Variants in ITGBL1 observed in about 807,000 individuals in gnomAD.
The protein encoded by ITGBL1 is integrin subunit beta like 1, also known as integrin beta-like protein 1.
ITGBL1 carries 51 observed loss-of-function variants against 68.5 expected under a neutral mutation model. The ratio of observed to expected loss-of-function variants is 0.74; its 90% confidence interval spans 0.59 to 0.94. The LOEUF (loss-of-function observed/expected upper bound fraction) is 0.94. ITGBL1 is among the 40% of genes least tolerant of loss of function. The pLI is 0.00. For missense variants in ITGBL1, 649 were observed against 647.4 expected (o/e 1.00, Z -0.03); for synonymous variants, 209 against 227.3 (o/e 0.92, Z 0.72).
intron 7 of ITGBL1, among the ~76,000 whole-genome samples, chr13:101,625,838 G>T (rs1200189466): frequency 1.3e-5 from 2 of 152,152 alleles, no homozygotes; most frequent in Non-Finnish European, 2.9e-5. Context: ...ACAGGCGTGA[G>T]CCACCGCACC....
intron 9 of ITGBL1, 106 bp downstream of exon 9, chr13:101,707,008 A>C: frequency 8.5e-7 from 1 of 1,174,396 alleles, no homozygotes; most frequent in Non-Finnish European, 1.2e-6. Flanking sequence ...CATGAAAGCA[A>C]ACCACTATGT....
intron 7 of ITGBL1, among the ~76,000 whole-genome samples, chr13:101,622,999 T>C (rs1227842482): frequency 2.0e-5 from 3 of 151,944 alleles, no homozygotes; most frequent in African/African-American, 7.2e-5. Context: ...ATGAGAACTT[T>C]TCATTATTTA....
chr13:101,556,783 G>A (rs948575377), intron 2 of ITGBL1, among the ~76,000 whole-genome samples: 1 of 152,168 alleles, frequency 6.6e-6, no homozygotes, highest in Non-Finnish European at 1.5e-5. Flanking sequence ...GCCAAAATAA[G>A]GCAATGAAGG....
intron 5 of ITGBL1, among the ~76,000 whole-genome samples, chr13:101,581,638 A>G (rs1475342372): frequency 2.0e-5 from 3 of 152,218 alleles, no homozygotes; most frequent in African/African-American, 7.2e-5. Flanking sequence ...AGTGATTGCT[A>G]GGTAGTCCAT....
At chr13:101,499,549 A>G (rs1594848828) in intron 2 of ITGBL1, among the ~76,000 whole-genome samples, 1 of 152,304 alleles carries the variant, frequency 6.6e-6, no homozygotes, top group East Asian at 1.9e-4. Context: ...GACTTTCACT[A>G]TAAAATGCCC....
intron 7 of ITGBL1, among the ~76,000 whole-genome samples, chr13:101,628,264 A>G (rs371385885): frequency 1.3e-5 from 2 of 152,108 alleles, no homozygotes; most frequent in East Asian, 1.9e-4. Context: ...GGCATCTGTT[A>G]AGATCTTTGG....
At chr13:101,703,488 C>T (rs1160374694) in intron 8 of ITGBL1, among the ~76,000 whole-genome samples, 1 of 152,178 alleles carries the variant, frequency 6.6e-6, no homozygotes, top group African/African-American at 2.4e-5. Flanking sequence ...AGTAGGTAAA[C>T]TCTATGCCAT....
intron 2 of ITGBL1, among the ~76,000 whole-genome samples, chr13:101,487,193 A>G (rs2139051855): frequency 6.6e-6 from 1 of 152,320 alleles, no homozygotes; most frequent in African/African-American, 2.4e-5. Context: ...TACAGCTCCA[A>G]GGCAGGTGTT....
intron 2 of ITGBL1, among the ~76,000 whole-genome samples, chr13:101,558,666 C>T (rs1232727617): frequency 1.3e-5 from 2 of 152,138 alleles, no homozygotes; most frequent in East Asian, 1.9e-4. Flanking sequence ...TTGGGATTTA[C>T]GTGGATGAAA....
At chr13:101,706,967 G>A (rs1291686172) in intron 9 of ITGBL1, 65 bp downstream of exon 9, 17 of 1,521,688 alleles carry the variant, frequency 1.1e-5, no homozygotes, top group Non-Finnish European at 1.5e-5. Flanking sequence ...AGAACAGCAT[G>A]TAGCAACTGT....
At chr13:101,556,683 G>T (rs1365417448) in intron 2 of ITGBL1, among the ~76,000 whole-genome samples, 1 of 151,944 alleles carries the variant, frequency 6.6e-6, no homozygotes, top group Non-Finnish European at 1.5e-5. Flanking sequence ...ACTGGAGAAG[G>T]CCATGTAATT....
At chr13:101,638,814 C>T (rs1281607489) in intron 7 of ITGBL1, among the ~76,000 whole-genome samples, 3 of 152,102 alleles carry the variant, frequency 2.0e-5, no homozygotes, top group Non-Finnish European at 2.9e-5. Context: ...AACCATATCA[C>T]TATTATTCAG....
At chr13:101,674,872 C>G (rs1384666557) in intron 7 of ITGBL1, among the ~76,000 whole-genome samples, 1 of 151,852 alleles carries the variant, frequency 6.6e-6, no homozygotes, top group African/African-American at 2.4e-5. Flanking sequence ...CCTATATTTG[C>G]TTTTTGTTTT....
At chr13:101,531,098 T>C (rs1481139163) in intron 2 of ITGBL1, among the ~76,000 whole-genome samples, 1 of 152,166 alleles carries the variant, frequency 6.6e-6, no homozygotes, top group Non-Finnish European at 1.5e-5. Context: ...CTTTCAATAA[T>C]GGCTAAGTTT....
At chr13:101,485,031 G>A (rs1346094048) in intron 2 of ITGBL1, among the ~76,000 whole-genome samples, 3 of 152,152 alleles carry the variant, frequency 2.0e-5, no homozygotes, top group Non-Finnish European at 4.4e-5. Flanking sequence ...AAGGATGATA[G>A]CAGATTTCTC....
intron 8 of ITGBL1, among the ~76,000 whole-genome samples, chr13:101,700,583 CCTT>C (rs2034113568): frequency 6.6e-6 from 1 of 152,076 alleles, no homozygotes. Context: ...TCCTTAATAT[CCTT>C]CTGTCATTTC....
intron 2 of ITGBL1, among the ~76,000 whole-genome samples, chr13:101,503,477 C>T (rs887752961): frequency 2.6e-5 from 4 of 152,110 alleles, no homozygotes; most frequent in Non-Finnish European, 5.9e-5. Flanking sequence ...TTCTTGGGGG[C>T]TGGGATCAAG....
chr13:101,546,911 T>A (rs965429834), intron 2 of ITGBL1, among the ~76,000 whole-genome samples: 2 of 152,006 alleles, frequency 1.3e-5, no homozygotes, highest in Non-Finnish European at 2.9e-5. Context: ...AGCATAGCAA[T>A]GTGAAGGAAA....
intron 7 of ITGBL1, among the ~76,000 whole-genome samples, chr13:101,600,366 A>T (rs1480487208): frequency 6.6e-6 from 1 of 152,206 alleles, no homozygotes; most frequent in East Asian, 1.9e-4. Context: ...CTAGATATAC[A>T]ATCATGTCAT....
Sources: gnomAD v4.1 joint callset for allele counts (sites outside exome capture counted in the v4.1 genomes callset) on GRCh38, gnomAD v4.1.1 for gene constraint, MANE v1.5 for transcripts, NCBI Gene and HGNC (gene_info 2026-07-23, HGNC 2026-07-21) for gene names.